MR1: variants seen among roughly 807,000 people sequenced by gnomAD.
MR1 encodes the protein major histocompatibility complex, class I-related.
A neutral mutation model predicts 37.8 loss-of-function variants in MR1; 44 were observed. That is an observed-to-expected ratio of 1.16 (90% CI 0.91 to 1.50). The LOEUF is 1.50. Among genes scored for constraint, MR1 ranks in the 40% most tolerant of loss-of-function variants. The probability of loss-of-function intolerance (pLI) is 0.00; values close to 1 mark genes in which losing one functional copy is unlikely to be tolerated. For missense variants in MR1, 386 were observed against 419.1 expected, an observed-to-expected ratio of 0.92 and a Z score of 0.69; for synonymous variants, 153 against 155.8, an observed-to-expected ratio of 0.98 and a Z score of 0.13.
chr1:181,056,246 C>T lies in MR1; in HGVS notation c.*981C>T, dbSNP rs915384817. The T allele has an allele frequency of 6.6e-6, 1 of 151,898 alleles. No homozygotes were observed. The highest frequency in any genetic ancestry group is 1.5e-5 in the Non-Finnish European group (1 of 67,982). The allele number at this position is 151,898 out of a possible 1,614,324, so 9.4% of individuals were successfully genotyped here. A position where few individuals can be genotyped will look rare whatever the true frequency, so the allele number is the denominator to read the frequency against. ...GGGCATGGTGTTGCGTGCCTGTAGT[C>T]CCAGCTACTTGGGAGGCTGAGACAG... On this transcript the variant is annotated 3_prime_UTR_variant, in exon 6 of 6. Transcript: ENST00000367580.
chr1:181,040,112 G>T (rs1475319223), intron 1 of MR1, among the ~76,000 whole-genome samples: 1 of 152,152 alleles, frequency 6.6e-6, no homozygotes, highest in African/African-American at 2.4e-5. Context: ...ATGAGACTGG[G>T]CAGGAGATGC....
chr1:181,040,023 T>C (rs1389459281), intron 1 of MR1, among the ~76,000 whole-genome samples: 2 of 152,196 alleles, frequency 1.3e-5, no homozygotes, highest in South Asian at 2.1e-4. Flanking sequence ...GATTTAGAAC[T>C]ATCAAGTAGC....
At chr1:181,055,202 A>G in intron 5 of MR1, 23 bp from the exon 6 acceptor site, 2 of 1,612,100 alleles carry the variant, frequency 1.2e-6, no homozygotes, top group South Asian at 2.2e-5. Context: ...TTGTAATCTG[A>G]CTAAAAACCC....
intron 4 of MR1, 37 bp downstream of exon 4, chr1:181,052,547 C>CTG: frequency 6.3e-7 from 1 of 1,595,812 alleles, no homozygotes; most frequent in Non-Finnish European, 8.6e-7. Flanking sequence ...GGGAGAGAGC[C>CTG]TGGAGAAAGG....
Position 181,046,220 on chromosome 1 carries a change from G to A in MR1, c.68-2832G>A, listed in dbSNP as rs531445356. On this transcript the variant is annotated intron_variant, in intron 1 of 5. Coordinates refer to ENST00000367580, the MANE Select transcript of MR1 (RefSeq NM_001385161.1). ...CAAGGGCTGAGGAGTGCGGGCGCAC[G>A]GCGCGGGAATGGCAGGCAGCTCCAC... Among the ~76,000 whole-genome samples the A allele has an allele frequency of 1.4e-4, 22 of 152,330 alleles. No individual in the cohort carries two copies. In the East Asian group the frequency reaches 3.1e-3, roughly 21 times the overall value.
At chr1:181,046,895 C>T (rs1321796204) in intron 1 of MR1, among the ~76,000 whole-genome samples, 1 of 152,280 alleles carries the variant, frequency 6.6e-6, no homozygotes, top group Non-Finnish European at 1.5e-5. Context: ...TCTGCAGCTT[C>T]ACTCCTGAGC....
chr1:181,034,538 T>A (rs1410499547), intron 1 of MR1, among the ~76,000 whole-genome samples: 2 of 152,158 alleles, frequency 1.3e-5, no homozygotes, highest in Non-Finnish European at 2.9e-5. Context: ...ACCATGGCTC[T>A]GGGTTTGTTT....
At chr1:181,042,200 ATTTTT>A (rs373949499) in intron 1 of MR1, among the ~76,000 whole-genome samples, 2 of 134,120 alleles carry the variant, frequency 1.5e-5, no homozygotes, top group Non-Finnish European at 3.2e-5. Context: ...ATCAAAGATA[ATTTTT>A]TTTTTTTTTT....
At position 181,050,304 on chromosome 1, in the gene MR1, G is replaced by A; in HGVS notation, c.604+18G>A. The A allele has an allele frequency of 1.2e-6, 2 of 1,613,952 alleles. No individual in the cohort carries two copies. Among genetic ancestry groups the A allele is most frequent in the Non-Finnish European group, 1.7e-6 (2 of 1,179,892 alleles). On this transcript the variant is annotated intron_variant, in intron 3 of 5. Coordinates refer to ENST00000367580, the MANE Select transcript of MR1 (RefSeq NM_001385161.1). ...AAGAACAGGTAAAGAGAAAGAGAAG[G>A]CCTCATTCCCACATTGCCTGAACAA...
At chr1:181,036,652 C>T (rs571596959) in intron 1 of MR1, among the ~76,000 whole-genome samples, 80 of 152,302 alleles carry the variant, frequency 5.3e-4, no homozygotes, top group Middle Eastern at 6.8e-3. Flanking sequence ...GCAGTTGACT[C>T]CTCCTTCCTT....
chr1:181,040,466 GT>G (rs1657498276), intron 1 of MR1, among the ~76,000 whole-genome samples: 1 of 152,186 alleles, frequency 6.6e-6, no homozygotes, highest in South Asian at 2.1e-4. Flanking sequence ...TCTGTTGTGA[GT>G]TACTGACTGA....
chr1:181,037,723 A>T (rs1657347374), intron 1 of MR1, among the ~76,000 whole-genome samples: 1 of 152,246 alleles, frequency 6.6e-6, no homozygotes, highest in Non-Finnish European at 1.5e-5. Context: ...ATTAAGTCAC[A>T]TTTTGTTATA....
chr1:181,045,304 G>A (rs1657788859), intron 1 of MR1, among the ~76,000 whole-genome samples: 1 of 152,164 alleles, frequency 6.6e-6, no homozygotes, highest in Admixed American at 6.5e-5. Context: ...CAGAGTAGGG[G>A]AAGAAAGCCA....
Position 181,060,139 on chromosome 1 carries a change from T to A in MR1, c.*4874T>A, listed in dbSNP as rs1219198185. The A allele has an allele frequency of 6.6e-6, 1 of 152,212 alleles. No individual in the cohort carries two copies. Among genetic ancestry groups the A allele is most frequent in the African/African-American group, 2.4e-5 (1 of 41,446 alleles). The allele number at this position is 152,212 out of a possible 1,614,324, so 9.4% of individuals were successfully genotyped here. A position where few individuals can be genotyped will look rare whatever the true frequency, so the allele number is the denominator to read the frequency against. On this transcript the variant is annotated 3_prime_UTR_variant, in exon 6 of 6. Coordinates refer to ENST00000367580, the MANE Select transcript of MR1 (RefSeq NM_001385161.1). Reference sequence around the variant, plus strand: ...ATCTGTTCCAGGCTTCCCTCCTATCTTCTGGTTGTTCCTTGCCTTCTGGCT... The same window carrying A: ...ATCTGTTCCAGGCTTCCCTCCTATCATCTGGTTGTTCCTTGCCTTCTGGCT...
chr1:181,043,844 C>G (rs1022713932), intron 1 of MR1, among the ~76,000 whole-genome samples: 1 of 151,742 alleles, frequency 6.6e-6, no homozygotes, highest in Non-Finnish European at 1.5e-5. Flanking sequence ...TGAAAGATAA[C>G]CTGCACATTA....
At chr1:181,047,199 A>G (rs1321178724) in intron 1 of MR1, among the ~76,000 whole-genome samples, 1 of 152,126 alleles carries the variant, frequency 6.6e-6, no homozygotes, top group Admixed American at 6.5e-5. Flanking sequence ...ATTTTGGTTT[A>G]CTTTTAACCC....
chr1:181,038,178 C>T lies in MR1; in HGVS notation c.67+4104C>T, dbSNP rs554026009. 4.6e-5 allele frequency among the ~76,000 whole-genome samples: 7 copies of T among 152,334 alleles called. 1 individual carries two copies. The South Asian group carries it at 1.0e-3, about 23-fold the overall frequency. On this transcript the variant is annotated intron_variant, in intron 1 of 5. Transcript: ENST00000367580. ...AAGAATATACCTATATGAAGTGAGA[C>T]ATTGGCAACCTTCAAAAGGGTAGCC...
intron 1 of MR1, among the ~76,000 whole-genome samples, chr1:181,046,995 C>T (rs1365547502): frequency 6.6e-6 from 1 of 152,166 alleles, no homozygotes; most frequent in Admixed American, 6.5e-5. Context: ...ACCTTAAGAG[C>T]TGTAACACTC....
At chr1:181,049,908 A>T in intron 2 of MR1, 103 bp from the exon 3 acceptor site, 3 of 1,357,554 alleles carry the variant, frequency 2.2e-6, no homozygotes, top group Non-Finnish European at 3.0e-6. Context: ...GGGGTGACAT[A>T]ATGTAGACCA....
Sources: gnomAD v4.1 joint callset for allele counts (sites outside exome capture counted in the v4.1 genomes callset) on GRCh38, gnomAD v4.1.1 for gene constraint, MANE v1.5 for transcripts, NCBI Gene and HGNC (gene_info 2026-07-23, HGNC 2026-07-21) for gene names.